The following CMIP variants were observed in gnomAD, a reference collection of about 807,000 sequenced individuals.
CMIP encodes the protein C-Maf-inducing protein.
CMIP carries 13 observed loss-of-function variants against 97.3 expected under a neutral mutation model. The observed-to-expected ratio is 0.13, with a 90% CI of 0.09 to 0.21. The LOEUF (loss-of-function observed/expected upper bound fraction) is 0.21. Ranked by LOEUF, CMIP falls within the 10% of genes least tolerant of loss-of-function variation. The pLI is 1.00. For missense variants in CMIP, 847 were observed against 1,024.9 expected, an observed-to-expected ratio of 0.83 and a Z score of 2.37; for synonymous variants, 538 against 436.3, an observed-to-expected ratio of 1.23 and a Z score of -2.91.
intron 1 of CMIP, among the ~76,000 whole-genome samples, chr16:81,581,322 G>T (rs1018675276): frequency 6.6e-6 from 1 of 152,140 alleles, no homozygotes; most frequent in Non-Finnish European, 1.5e-5. Context: ...GTCACTGAGC[G>T]AACATCCTGG....
intron 1 of CMIP, among the ~76,000 whole-genome samples, chr16:81,523,525 G>A (rs1325403285): frequency 6.6e-6 from 1 of 152,150 alleles, no homozygotes; most frequent in African/African-American, 2.4e-5. Context: ...GATACCTCAA[G>A]CTTACCTGGG....
intron 2 of CMIP, 88 bp downstream of exon 2, chr16:81,607,780 C>G (rs2150942271): frequency 7.2e-7 from 1 of 1,397,302 alleles, no homozygotes; most frequent in Admixed American, 2.0e-5. Context: ...GAGCCAGCAG[C>G]TATCAAGAGG....
In CMIP at chr16:81,711,606, A is replaced by C. The variant is rs1908784432; in HGVS notation, c.*1807A>C. ...AATAAAAAAATAAATAAAAATAAAA[A>C]AAATAAAAAAGGAAAAAAAAAAAAG... On this transcript the variant is annotated 3_prime_UTR_variant, in exon 21 of 21. Transcript: ENST00000537098. 1 of 67,738 alleles carries C rather than the reference A, an allele frequency of 1.5e-5. No individual in the cohort carries two copies. Among genetic ancestry groups the C allele is most frequent in the Non-Finnish European group, 3.1e-5 (1 of 31,912 alleles). The allele number at this position is 67,738 out of a possible 1,614,324, so 4.2% of individuals were successfully genotyped here.
intron 1 of CMIP, among the ~76,000 whole-genome samples, chr16:81,568,485 G>A (rs905761260): frequency 5.3e-5 from 8 of 152,170 alleles, no homozygotes; most frequent in African/African-American, 1.7e-4. Context: ...ACCGTGCCTC[G>A]GGAGTGAGTC....
At chr16:81,471,506 A>G (rs1311330584) in intron 1 of CMIP, among the ~76,000 whole-genome samples, 2 of 152,180 alleles carry the variant, frequency 1.3e-5, no homozygotes, top group Non-Finnish European at 2.9e-5. Flanking sequence ...ATACATATAC[A>G]CATGTGCAGA....
Position 81,605,184 on chromosome 16 carries a change from C to T in CMIP, c.301-2383C>T, listed in dbSNP as rs527647215. Among the ~76,000 whole-genome samples, 13 of 152,286 alleles carry T rather than the reference C, an allele frequency of 8.5e-5. No homozygotes were observed. In the East Asian group the frequency reaches 9.7e-4, roughly 11 times the overall value. On this transcript the variant is annotated intron_variant, in intron 1 of 20. Coordinates refer to ENST00000537098, the MANE Select transcript of CMIP (RefSeq NM_198390.3). ...AGAATAGGGAGAACAGAACAGTGCA[C>T]GGGATGCTGGAACAGGCCAGAACAG...
At chr16:81,545,240 G>A (rs2090523960) in intron 1 of CMIP, among the ~76,000 whole-genome samples, 1 of 152,188 alleles carries the variant, frequency 6.6e-6, no homozygotes. Flanking sequence ...GTACTGTGGT[G>A]TTTGATTTAA....
intron 3 of CMIP, among the ~76,000 whole-genome samples, chr16:81,626,553 G>A (rs2092068525): frequency 1.3e-5 from 2 of 148,330 alleles, no homozygotes; most frequent in Admixed American, 1.3e-4. Flanking sequence ...GTGTGCATGT[G>A]TGTGTGGTGT....
chr16:81,558,095 T>A (rs2090803306), intron 1 of CMIP, among the ~76,000 whole-genome samples: 1 of 152,256 alleles, frequency 6.6e-6, no homozygotes, highest in Non-Finnish European at 1.5e-5. Context: ...TTCTTAAGAT[T>A]CTTTCATATT....
intron 1 of CMIP, chr16:81,476,204 T>C: frequency 7.5e-7 from 1 of 1,333,712 alleles, no homozygotes; most frequent in Non-Finnish European, 1.1e-6. Flanking sequence ...CCGTTTGTGT[T>C]GGGTCCAGCA....
At chr16:81,469,894 G>A (rs1214532863) in intron 1 of CMIP, among the ~76,000 whole-genome samples, 1 of 152,194 alleles carries the variant, frequency 6.6e-6, no homozygotes, top group Non-Finnish European at 1.5e-5. Flanking sequence ...GAGGGATGAG[G>A]AGGGCCTTCT....
chr16:81,650,947 C>T (rs956002411), intron 3 of CMIP, among the ~76,000 whole-genome samples: 1 of 152,176 alleles, frequency 6.6e-6, no homozygotes, highest in African/African-American at 2.4e-5. Flanking sequence ...GAATGTGTCC[C>T]TCAGATACTT....
intron 2 of CMIP, among the ~76,000 whole-genome samples, chr16:81,609,902 A>G (rs190666033): frequency 1.6e-3 from 247 of 152,330 alleles, no homozygotes; most frequent in Non-Finnish European, 3.0e-3. Context: ...AAGAAGCCTC[A>G]GACCCTCTTC....
intron 1 of CMIP, among the ~76,000 whole-genome samples, chr16:81,570,119 G>C (rs946341942): frequency 2.6e-5 from 4 of 152,142 alleles, no homozygotes; most frequent in African/African-American, 9.7e-5. Flanking sequence ...TTCTGCAGAC[G>C]GGCTTGTCTG....
intron 1 of CMIP, among the ~76,000 whole-genome samples, chr16:81,575,260 G>A (rs1328770579): frequency 1.3e-5 from 2 of 152,196 alleles, no homozygotes; most frequent in Non-Finnish European, 2.9e-5. Flanking sequence ...GTCATGCAGT[G>A]TTGGAATGGG....
intron 1 of CMIP, among the ~76,000 whole-genome samples, chr16:81,504,566 C>CGG (rs2089670601): frequency 7.0e-6 from 1 of 143,570 alleles, no homozygotes; most frequent in Non-Finnish European, 1.5e-5. Context: ...TCGCTTGAAC[C>CGG]CAGGAGATGG....
At chr16:81,672,778 G>A (rs1206779785) in intron 9 of CMIP, among the ~76,000 whole-genome samples, 1 of 152,100 alleles carries the variant, frequency 6.6e-6, no homozygotes, top group Admixed American at 6.5e-5. Context: ...GGATCTTGCT[G>A]TGTTACCCAG....
intron 1 of CMIP, among the ~76,000 whole-genome samples, chr16:81,460,313 G>C (rs1332816081): frequency 6.6e-6 from 1 of 152,110 alleles, no homozygotes; most frequent in African/African-American, 2.4e-5. Flanking sequence ...TTTTCCTTCG[G>C]GTTGCCAGCG....
chr16:81,705,659 T>A (rs1908052572), intron 19 of CMIP, 55 bp downstream of exon 19: 1 of 1,204,674 alleles, frequency 8.3e-7, no homozygotes, highest in Non-Finnish European at 1.2e-6. Flanking sequence ...CATTCCTTCC[T>A]TGCTTCAGCC....
Sources: allele counts gnomAD v4.1 joint callset (sites outside exome capture counted in the v4.1 genomes callset), GRCh38; gene constraint gnomAD v4.1.1; transcripts MANE v1.5; gene names NCBI Gene and HGNC (gene_info 2026-07-23, HGNC 2026-07-21).